Variants in TRIM5 observed in about 807,000 individuals in gnomAD.
The protein encoded by TRIM5 is tripartite motif-containing protein 5.
In TRIM5, 31 loss-of-function variants were observed where a neutral mutation model predicts 35.6. That is an observed-to-expected ratio of 0.87 (90% confidence interval 0.65 to 1.18). TRIM5 has a LOEUF of 1.18. Among genes scored for constraint, TRIM5 ranks in the 50% most tolerant of loss-of-function variants. TRIM5 has a pLI of 0.00. For synonymous variants in TRIM5, 243 were observed against 215.6 expected, an observed-to-expected ratio of 1.13 and a Z score of -1.11; for missense variants, 609 against 591.6, an observed-to-expected ratio of 1.03 and a Z score of -0.31.
At chr11:5,644,550 G>A in the TRIM5 span, among the ~76,000 whole-genome samples, 1 of 152,108 alleles carries the variant, frequency 6.6e-6, no homozygotes, top group Non-Finnish European at 1.5e-5. Flanking sequence ...TTTATACTGA[G>A]AGTGGGACTG....
the TRIM5 span, chr11:5,642,439 G>A: frequency 6.2e-7 from 1 of 1,613,592 alleles, no homozygotes; most frequent in Non-Finnish European, 8.5e-7. Context: ...AGCCAAAAAT[G>A]GTTTCCAAGA....
At chr11:5,607,172 C>G in the TRIM5 span, among the ~76,000 whole-genome samples, 1 of 152,028 alleles carries the variant, frequency 6.6e-6, no homozygotes, top group African/African-American at 2.4e-5. Flanking sequence ...CCACTGCACT[C>G]CAGCCTGGGC....
At chr11:5,600,150 G>A in the TRIM5 span, among the ~76,000 whole-genome samples, 81 of 152,246 alleles carry the variant, frequency 5.3e-4, no homozygotes, top group African/African-American at 1.8e-3. Flanking sequence ...ACCCTTTATG[G>A]AGATGAGGAA....
chr11:5,646,039 ATATAT>A, the TRIM5 span, among the ~76,000 whole-genome samples: 89 of 114,690 alleles, frequency 7.8e-4, 1 homozygote, highest in African/African-American at 2.3e-3. Flanking sequence ...GTACACATAA[ATATAT>A]TAGATTATAT....
the TRIM5 span, chr11:5,644,528 T>G: frequency 3.0e-6 from 1 of 335,124 alleles, no homozygotes; most frequent in Non-Finnish European, 5.3e-6. Context: ...TTAGTTTTGT[T>G]TTATAGAACT....
intron 1 of TRIM5, among the ~76,000 whole-genome samples, chr11:5,682,217 A>T (rs4564369): frequency 6.6e-6 from 1 of 151,954 alleles, no homozygotes; most frequent in African/African-American, 2.4e-5. Context: ...CAGCCTGGCC[A>T]ACATGGTGAA....
the TRIM5 span, chr11:5,610,213 C>T: frequency 1.2e-6 from 2 of 1,614,044 alleles, no homozygotes; most frequent in Admixed American, 3.3e-5. Flanking sequence ...TTCCGAGCCC[C>T]AGATCTGAAA....
downstream of TRIM5, among the ~76,000 whole-genome samples, chr11:5,659,800 T>G (rs1263087078): frequency 6.6e-6 from 1 of 152,078 alleles, no homozygotes; most frequent in African/African-American, 2.4e-5. Flanking sequence ...AAATTCTTAA[T>G]TTTTCCCTGC....
chr11:5,681,233 C>T (rs545555576), intron 1 of TRIM5, among the ~76,000 whole-genome samples: 5 of 152,252 alleles, frequency 3.3e-5, no homozygotes, highest in African/African-American at 1.2e-4. Context: ...GTTCCCGGAA[C>T]AAACGGAGGG....
At chr11:5,602,130 C>G in the TRIM5 span, among the ~76,000 whole-genome samples, 1 of 152,172 alleles carries the variant, frequency 6.6e-6, no homozygotes, top group African/African-American at 2.4e-5. Context: ...AAGTAAAGAT[C>G]TGTATTAAGT....
At chr11:5,592,025 G>T in the TRIM5 span, among the ~76,000 whole-genome samples, 3 of 152,164 alleles carry the variant, frequency 2.0e-5, no homozygotes, top group Non-Finnish European at 2.9e-5. Context: ...GGACTCTGGA[G>T]CCCAAAAGAG....
the TRIM5 span, chr11:5,608,518 G>C: frequency 7.1e-7 from 1 of 1,418,154 alleles, no homozygotes; most frequent in Non-Finnish European, 9.5e-7. Context: ...CTTGAATCGC[G>C]CATCACATGG....
At chr11:5,665,502 A>C in intron 7 of TRIM5, 107 bp from the exon 8 acceptor site, 2 of 1,546,622 alleles carry the variant, frequency 1.3e-6, no homozygotes, top group Non-Finnish European at 1.7e-6. Flanking sequence ...AACCTTGTTT[A>C]GAAGTTATAA....
the TRIM5 span, chr11:5,642,614 T>G: frequency 1.9e-5 from 25 of 1,311,942 alleles, no homozygotes; most frequent in African/African-American, 3.0e-5. Flanking sequence ...AGGAGGGAGG[T>G]CAGAGAATAA....
the TRIM5 span, among the ~76,000 whole-genome samples, chr11:5,657,642 T>TTA: frequency 2.5e-5 from 3 of 122,202 alleles, no homozygotes; most frequent in Non-Finnish European, 4.9e-5. Flanking sequence ...TATATATTAT[T>TTA]TATATATTAT....
the TRIM5 span, among the ~76,000 whole-genome samples, chr11:5,637,577 T>A: frequency 6.6e-6 from 1 of 152,226 alleles, no homozygotes. Context: ...TACTATTATT[T>A]AAAATTTTTT....
the TRIM5 span, among the ~76,000 whole-genome samples, chr11:5,651,623 T>C: frequency 6.6e-6 from 1 of 152,230 alleles, no homozygotes; most frequent in African/African-American, 2.4e-5. Flanking sequence ...TGTGTCTTTA[T>C]GGTAGAATGA....
the TRIM5 span, among the ~76,000 whole-genome samples, chr11:5,592,917 AAAAAAAAAAAAAAG>A: frequency 7.4e-6 from 1 of 135,046 alleles, no homozygotes; most frequent in Non-Finnish European, 1.6e-5. Context: ...ATTGTCTCAA[AAAAAAAAAAAAAAG>A]AAAAAAGAAA....
chr11:5,599,694 C>T, the TRIM5 span, among the ~76,000 whole-genome samples: 59 of 141,808 alleles, frequency 4.2e-4, no homozygotes, highest in African/African-American at 1.4e-3. Flanking sequence ...TGGGCCACCG[C>T]GCCCGGCCAA....
Sources: allele counts gnomAD v4.1 joint callset (sites outside exome capture counted in the v4.1 genomes callset), GRCh38; gene constraint gnomAD v4.1.1; transcripts MANE v1.5; gene names NCBI Gene and HGNC (gene_info 2026-07-23, HGNC 2026-07-21).